RBPMS: variants seen among roughly 807,000 people sequenced by gnomAD.
RBPMS encodes RNA binding protein, mRNA processing factor.
Under a neutral mutation model 26.8 loss-of-function variants are expected in RBPMS, and 7 were observed. The ratio of observed to expected loss-of-function variants is 0.26; its 90% CI spans 0.15 to 0.49. The LOEUF (loss-of-function observed/expected upper bound fraction) is 0.49, where lower values mean the gene tolerates loss of function less well. Among genes scored for constraint, RBPMS ranks in the 20% least tolerant of loss-of-function variants. The pLI is 0.98. For synonymous variants in RBPMS, 96 were observed against 93.3 expected, an observed-to-expected ratio of 1.03 and a Z score of -0.17; for missense variants, 186 against 250.0, an observed-to-expected ratio of 0.74 and a Z score of 1.73.
At chr8:30,528,919 T>G (rs566629514) in intron 5 of RBPMS, among the ~76,000 whole-genome samples, 1 of 152,134 alleles carries the variant, frequency 6.6e-6, no homozygotes, top group East Asian at 1.9e-4. Flanking sequence ...TTATTAATTT[T>G]TAAAAATTGT....
At chr8:30,504,189 T>G (rs751672143) in intron 4 of RBPMS, 97 bp from the exon 5 acceptor site, 10 of 1,320,826 alleles carry the variant, frequency 7.6e-6, no homozygotes, top group African/African-American at 1.4e-5. Flanking sequence ...CCTTTTTTCC[T>G]GATAGACCAG....
rs577244764 is a variant in RBPMS, at chr8:30,514,680, C to CTTTTTTT, written c.397+10261_397+10267dup. On this transcript the variant is annotated intron_variant, in intron 5 of 8. Coordinates refer to ENST00000397323, the MANE Select transcript of RBPMS (RefSeq NM_001008710.3). ...TACGGGTGCGAGCCACCATGCCGGG[C>CTTTTTTT]TTTTTTTTTTTTTTTTTTTTTTTAA... 5.2e-4 allele frequency among the ~76,000 whole-genome samples: 43 copies of CTTTTTTT among 82,642 alleles called. 7 individuals are homozygous for CTTTTTTT. Among genetic ancestry groups the CTTTTTTT allele is most frequent in the African/African-American group, 8.9e-4 (17 of 19,016 alleles). The allele number at this position is 82,642 out of a possible 152,430, so 54.2% of individuals were successfully genotyped here.
intron 1 of RBPMS, among the ~76,000 whole-genome samples, chr8:30,414,221 G>A (rs140151532): frequency 5.4e-5 from 8 of 149,398 alleles, no homozygotes; most frequent in African/African-American, 2.0e-4. Context: ...ACTTCTTTTC[G>A]CCAGGGCAGA....
At position 30,513,942 on chromosome 8, in the gene RBPMS, G is replaced by A. The variant is rs1453157642; in HGVS notation, c.397+9506G>A. 3.3e-5 allele frequency among the ~76,000 whole-genome samples: 5 copies of A among 152,236 alleles called. No individual in the cohort carries two copies. The East Asian group carries it at 9.7e-4, about 29-fold the overall frequency. ...CAAAAGCATGGTCCACGCACCCCTG[G>A]TTGGTCTCTGAGATTCCTTAAGGGA... On this transcript the variant is annotated intron_variant, in intron 5 of 8. Coordinates refer to ENST00000397323, the MANE Select transcript of RBPMS (RefSeq NM_001008710.3).
chr8:30,488,035 T>G (rs1028987618), intron 4 of RBPMS, among the ~76,000 whole-genome samples: 2 of 152,166 alleles, frequency 1.3e-5, no homozygotes, highest in African/African-American at 4.8e-5. Flanking sequence ...AGAAAAGCAG[T>G]TGGGTAGAAA....
At position 30,551,735 on chromosome 8, in the gene RBPMS, G is replaced by A. The variant is rs115247575; in HGVS notation, c.528+7111G>A. On this transcript the variant is annotated intron_variant, in intron 6 of 8. Coordinates refer to ENST00000397323, the MANE Select transcript of RBPMS (RefSeq NM_001008710.3). ...CTGTCACAGTCGGGTGCTGCTGAGC[G>A]CCTGGCACCTAACTGGGACTCAGTT... Among the ~76,000 whole-genome samples the A allele has an allele frequency of 5.3e-3, 804 of 152,272 alleles. 11 individuals are homozygous for A. Among genetic ancestry groups the A allele is most frequent in the African/African-American group, 0.018 (762 of 41,550 alleles).
intron 6 of RBPMS, among the ~76,000 whole-genome samples, chr8:30,546,859 G>A (rs1234944028): frequency 2.0e-5 from 3 of 152,236 alleles, no homozygotes; most frequent in African/African-American, 7.2e-5. Flanking sequence ...GGCCTGAGAA[G>A]ATGGAGGGAG....
intron 7 of RBPMS, 64 bp from the exon 8 acceptor site, chr8:30,566,193 G>A (rs1827875769): frequency 1.1e-6 from 1 of 934,556 alleles, no homozygotes; most frequent in African/African-American, 1.8e-5. Flanking sequence ...CGGTCTTCAA[G>A]ACCGAGGCAG....
chr8:30,437,953 C>T (rs921172070), intron 1 of RBPMS, among the ~76,000 whole-genome samples: 4 of 151,466 alleles, frequency 2.6e-5, no homozygotes, highest in Middle Eastern at 6.8e-3. Context: ...AGTGAGACTC[C>T]GTCTCAAAAA....
chr8:30,410,355 C>T (rs1017246520), intron 1 of RBPMS, among the ~76,000 whole-genome samples: 9 of 151,984 alleles, frequency 5.9e-5, no homozygotes, highest in African/African-American at 1.2e-4. Flanking sequence ...ACTACAGGCA[C>T]GTGCCAACAT....
At chr8:30,567,272 A>C (rs1483497947) in intron 8 of RBPMS, among the ~76,000 whole-genome samples, 1 of 152,166 alleles carries the variant, frequency 6.6e-6, no homozygotes, top group East Asian at 1.9e-4. Flanking sequence ...TCATACTCCG[A>C]CGATACCTCT....
chr8:30,537,106 A>G (rs1384333881), intron 5 of RBPMS, among the ~76,000 whole-genome samples: 1 of 152,192 alleles, frequency 6.6e-6, no homozygotes, highest in Non-Finnish European at 1.5e-5. Context: ...GTGATGAGTA[A>G]GAGTAGGTAA....
At chr8:30,511,251 T>A (rs554493528) in intron 5 of RBPMS, among the ~76,000 whole-genome samples, 1 of 151,800 alleles carries the variant, frequency 6.6e-6, no homozygotes, top group African/African-American at 2.4e-5. Flanking sequence ...GAGGCAGAGG[T>A]TGCAGTGAGC....
chr8:30,493,777 A>T (rs1227297925), intron 4 of RBPMS, among the ~76,000 whole-genome samples: 5 of 152,150 alleles, frequency 3.3e-5, no homozygotes, highest in African/African-American at 4.8e-5. Context: ...CAAAAGTTCA[A>T]ACAATCACGC....
At chr8:30,556,667 C>T (rs1447278399) in intron 6 of RBPMS, 2 of 985,986 alleles carry the variant, frequency 2.0e-6, no homozygotes, top group Non-Finnish European at 1.2e-6. Flanking sequence ...GGTGTCCAGC[C>T]CCCCACCTGC....
At chr8:30,504,966 A>G (rs1267510944) in intron 5 of RBPMS, among the ~76,000 whole-genome samples, 1 of 152,224 alleles carries the variant, frequency 6.6e-6, no homozygotes, top group Non-Finnish European at 1.5e-5. Context: ...AACTAATACC[A>G]GTAAAACTTT....
intron 7 of RBPMS, 53 bp from the exon 8 acceptor site, chr8:30,566,204 C>A: frequency 5.2e-6 from 5 of 962,056 alleles, no homozygotes; most frequent in Non-Finnish European, 6.2e-6. Context: ...ACCGAGGCAG[C>A]CCCAGGTGGA....
intron 4 of RBPMS, among the ~76,000 whole-genome samples, 175 bp downstream of exon 4, chr8:30,479,552 T>C (rs1818059426): frequency 6.6e-6 from 1 of 152,230 alleles, no homozygotes; most frequent in African/African-American, 2.4e-5. Context: ...TGATCAGATA[T>C]GCAGATTATT....
At chr8:30,547,596 T>C in intron 6 of RBPMS, 1 of 891,998 alleles carries the variant, frequency 1.1e-6, no homozygotes, top group Non-Finnish European at 1.6e-6. Flanking sequence ...ACTGAGGTTT[T>C]GGGAGAATTG....
Sources: gnomAD v4.1 joint callset for allele counts (sites outside exome capture counted in the v4.1 genomes callset) on GRCh38, gnomAD v4.1.1 for gene constraint, MANE v1.5 for transcripts, NCBI Gene and HGNC (gene_info 2026-07-23, HGNC 2026-07-21) for gene names.